The following SDK1 variants were observed in gnomAD, a reference collection of about 807,000 sequenced individuals.
SDK1 encodes protein sidekick-1.
Under a neutral mutation model 245.5 loss-of-function variants are expected in SDK1, and 157 were observed. The observed-to-expected ratio is 0.64, with a 90% CI of 0.56 to 0.73. The LOEUF (loss-of-function observed/expected upper bound fraction) is 0.73, where lower values mean the gene tolerates loss of function less well. Among genes scored for constraint, SDK1 ranks in the 30% least tolerant of loss-of-function variants. The pLI is 0.00. For missense variants in SDK1, 3,583 were observed against 3,002.3 expected, an observed-to-expected ratio of 1.19 and a Z score of -4.52; for synonymous variants, 1,647 against 1,278.5, an observed-to-expected ratio of 1.29 and a Z score of -6.15.
chr7:3,858,291 C>G (rs1482434646), intron 5 of SDK1, among the ~76,000 whole-genome samples: 1 of 152,016 alleles, frequency 6.6e-6, no homozygotes, highest in Non-Finnish European at 1.5e-5. Flanking sequence ...GTGGCACATG[C>G]CTGTAATCCC....
chr7:4,114,773 C>G (rs1199679041), intron 25 of SDK1, among the ~76,000 whole-genome samples: 1 of 152,166 alleles, frequency 6.6e-6, no homozygotes, highest in African/African-American at 2.4e-5. Context: ...CTCTCTTCCA[C>G]AAGGTGATTC....
Position 3,933,301 on chromosome 7 carries a change from C to A in SDK1, c.848-17622C>A, listed in dbSNP as rs561541451. Among the ~76,000 whole-genome samples, 11 of 152,078 alleles carry A rather than the reference C, an allele frequency of 7.2e-5. No homozygotes were observed. In the East Asian group the frequency reaches 2.1e-3, roughly 29 times the overall value. On this transcript the variant is annotated intron_variant, in intron 5 of 44. Transcript: ENST00000404826. ...AATTTAAAAAAAATGTTTCTAGATA[C>A]AGAGTTTTACCATGTTGCCATGGCT...
chr7:3,420,090 C>T (rs998239739), intron 1 of SDK1, among the ~76,000 whole-genome samples: 6 of 152,198 alleles, frequency 3.9e-5, no homozygotes, highest in Admixed American at 3.9e-4. Flanking sequence ...GCTTTCCATA[C>T]TTCTGTGCAA....
At chr7:3,908,618 A>C (rs1223543023) in intron 5 of SDK1, among the ~76,000 whole-genome samples, 1 of 151,874 alleles carries the variant, frequency 6.6e-6, no homozygotes, top group Non-Finnish European at 1.5e-5. Flanking sequence ...TTCCGCAAGT[A>C]CTCATCTCAA....
chr7:4,022,548 T>G (rs1162460479), intron 17 of SDK1, among the ~76,000 whole-genome samples: 1 of 152,132 alleles, frequency 6.6e-6, no homozygotes, highest in Non-Finnish European at 1.5e-5. Context: ...GGGAAGGGCA[T>G]GCAGGCTGCC....
At chr7:3,663,038 A>C (rs1783414977) in intron 4 of SDK1, among the ~76,000 whole-genome samples, 1 of 152,214 alleles carries the variant, frequency 6.6e-6, no homozygotes, top group Non-Finnish European at 1.5e-5. Context: ...GTGTGTATGT[A>C]TCAATCAGAT....
intron 4 of SDK1, among the ~76,000 whole-genome samples, chr7:3,805,704 A>G (rs1779224281): frequency 6.6e-6 from 1 of 152,192 alleles, no homozygotes; most frequent in African/African-American, 2.4e-5. Context: ...GAATTAGTGA[A>G]CAAATGTATG....
At chr7:4,188,588 C>G (rs905308197) in intron 35 of SDK1, among the ~76,000 whole-genome samples, 2 of 151,710 alleles carry the variant, frequency 1.3e-5, no homozygotes, top group Non-Finnish European at 2.9e-5. Flanking sequence ...TCTGAGGCAT[C>G]TCTCCTTCCC....
chr7:3,857,897 C>G (rs1322466474), intron 5 of SDK1, among the ~76,000 whole-genome samples: 1 of 152,052 alleles, frequency 6.6e-6, no homozygotes, highest in Non-Finnish European at 1.5e-5. Flanking sequence ...ATAAACTGAT[C>G]AAGAAATAGT....
intron 4 of SDK1, among the ~76,000 whole-genome samples, chr7:3,730,744 G>A (rs1004512873): frequency 1.3e-5 from 2 of 152,130 alleles, no homozygotes; most frequent in African/African-American, 4.8e-5. Flanking sequence ...TGGATCAACA[G>A]GCAGCCAATT....
intron 4 of SDK1, among the ~76,000 whole-genome samples, chr7:3,667,652 C>T (rs1783575023): frequency 1.3e-5 from 2 of 152,312 alleles, no homozygotes; most frequent in South Asian, 4.1e-4. Context: ...TTTTCTGTCC[C>T]TATAGTTTTG....
chr7:3,734,568 A>G (rs564403618), intron 4 of SDK1, among the ~76,000 whole-genome samples: 2 of 152,370 alleles, frequency 1.3e-5, no homozygotes, highest in South Asian at 4.1e-4. Flanking sequence ...AGTTCAAGAT[A>G]CTATCTAAGA....
chr7:4,085,926 T>C (rs924151793), intron 22 of SDK1, among the ~76,000 whole-genome samples: 1 of 152,210 alleles, frequency 6.6e-6, no homozygotes, highest in Non-Finnish European at 1.5e-5. Flanking sequence ...TTACACGATC[T>C]CAAAGTCAAA....
intron 4 of SDK1, among the ~76,000 whole-genome samples, chr7:3,675,277 C>T (rs1264966861): frequency 6.6e-6 from 1 of 152,148 alleles, no homozygotes; most frequent in East Asian, 1.9e-4. Flanking sequence ...ATTCAAAATC[C>T]AACATTTAGC....
At chr7:3,675,054 G>A (rs560825711) in intron 4 of SDK1, among the ~76,000 whole-genome samples, 3 of 152,282 alleles carry the variant, frequency 2.0e-5, no homozygotes, top group South Asian at 4.2e-4. Flanking sequence ...TGCTAGCCAC[G>A]GCTGTAAACC....
intron 18 of SDK1, among the ~76,000 whole-genome samples, chr7:4,050,609 C>T (rs1225667693): frequency 6.6e-6 from 1 of 152,120 alleles, no homozygotes; most frequent in African/African-American, 2.4e-5. Context: ...AACATGAACA[C>T]GCTTTCCTTA....
intron 1 of SDK1, among the ~76,000 whole-genome samples, chr7:3,436,038 A>G (rs1002815275): frequency 4.6e-5 from 7 of 152,366 alleles, no homozygotes; most frequent in South Asian, 2.1e-4. Flanking sequence ...TGTGATTTGC[A>G]TGATAAGTTA....
intron 2 of SDK1, among the ~76,000 whole-genome samples, chr7:3,633,749 A>G (rs1031945747): frequency 1.3e-5 from 2 of 152,218 alleles, no homozygotes; most frequent in South Asian, 2.1e-4. Flanking sequence ...GAAGGGTTCT[A>G]AAACCACAGA....
chr7:3,736,605 T>G (rs950782701), intron 4 of SDK1, among the ~76,000 whole-genome samples: 1 of 152,120 alleles, frequency 6.6e-6, no homozygotes, highest in African/African-American at 2.4e-5. Context: ...CTATCCCCAG[T>G]TTAATTCCTC....
Sources: allele counts gnomAD v4.1 joint callset (sites outside exome capture counted in the v4.1 genomes callset), GRCh38; gene constraint gnomAD v4.1.1; transcripts MANE v1.5; gene names NCBI Gene and HGNC (gene_info 2026-07-23, HGNC 2026-07-21).